The following BBS12 variants were observed in gnomAD, a reference collection of about 807,000 sequenced individuals.
BBS12 encodes the protein chaperonin-containing T-complex member BBS12.
BBS12 carries 5 observed loss-of-function variants against 5.6 expected under a neutral mutation model. That is an observed-to-expected ratio of 0.89 (90% confidence interval 0.46 to 1.86). The LOEUF is 1.86. BBS12 is among the 40% of genes most tolerant of loss of function. BBS12 has a pLI of 0.01. For synonymous variants in BBS12, 308 were observed against 306.8 expected (o/e 1.00, Z -0.04); for missense variants, 748 against 830.4 (o/e 0.90, Z 1.22).
chr4:122,727,537 C>A, the BBS12 span, among the ~76,000 whole-genome samples: 1 of 118,630 alleles, frequency 8.4e-6, no homozygotes, highest in Non-Finnish European at 1.7e-5. Flanking sequence ...GCCACCGCCC[C>A]TGGCCAATTT....
chr4:122,736,304 G>C (rs1181704776), intron 1 of BBS12, among the ~76,000 whole-genome samples: 2 of 152,156 alleles, frequency 1.3e-5, no homozygotes, highest in Admixed American at 6.5e-5. Flanking sequence ...TTCTGAGTTA[G>C]AGGTTTTTAA....
At chr4:122,705,762 A>G in the BBS12 span, among the ~76,000 whole-genome samples, 3 of 152,252 alleles carry the variant, frequency 2.0e-5, no homozygotes, top group East Asian at 1.9e-4. Flanking sequence ...GGGCATGTAC[A>G]GTTAATGTGA....
intron 1 of BBS12, among the ~76,000 whole-genome samples, chr4:122,740,609 C>T (rs1395198690): frequency 6.6e-6 from 1 of 152,150 alleles, no homozygotes; most frequent in Non-Finnish European, 1.5e-5. Flanking sequence ...AACACAGTGC[C>T]TCCTGGTACA....
intron 1 of BBS12, among the ~76,000 whole-genome samples, chr4:122,739,483 C>T (rs1800833209): frequency 6.6e-6 from 1 of 152,232 alleles, no homozygotes; most frequent in Non-Finnish European, 1.5e-5. Context: ...CACCTTTTCA[C>T]CCAAATCATG....
the BBS12 span, among the ~76,000 whole-genome samples, chr4:122,710,773 T>G: frequency 6.6e-6 from 1 of 152,148 alleles, no homozygotes; most frequent in Non-Finnish European, 1.5e-5. Context: ...CTTGACCTCC[T>G]AATGAAAAAT....
the BBS12 span, among the ~76,000 whole-genome samples, chr4:122,723,314 A>C: frequency 6.6e-6 from 1 of 152,224 alleles, no homozygotes; most frequent in Non-Finnish European, 1.5e-5. Flanking sequence ...AAGAATTAAA[A>C]ATGCTTTTCC....
intron 1 of BBS12, among the ~76,000 whole-genome samples, chr4:122,737,197 T>A (rs774100878): frequency 6.6e-6 from 1 of 152,182 alleles, no homozygotes; most frequent in Admixed American, 6.5e-5. Flanking sequence ...GAGACCCTGA[T>A]ACATGTACAA....
At chr4:122,741,749 C>A in intron 1 of BBS12, 134 bp from the exon 2 acceptor site, 1 of 704,208 alleles carries the variant, frequency 1.4e-6, no homozygotes, top group Non-Finnish European at 2.5e-6. Flanking sequence ...AATACTGTAT[C>A]ATTGCACTGA....
the BBS12 span, among the ~76,000 whole-genome samples, chr4:122,715,054 T>C: frequency 1.3e-5 from 2 of 151,872 alleles, no homozygotes; most frequent in Admixed American, 1.3e-4. Context: ...TGAAGGAGAA[T>C]GACAAATTAT....
At chr4:122,718,844 A>G in the BBS12 span, among the ~76,000 whole-genome samples, 2 of 152,024 alleles carry the variant, frequency 1.3e-5, no homozygotes, top group Non-Finnish European at 2.9e-5. Flanking sequence ...TTTGAGAGGG[A>G]GTCTCGCTCT....
the BBS12 span, among the ~76,000 whole-genome samples, chr4:122,723,509 A>C: frequency 6.6e-6 from 1 of 152,128 alleles, no homozygotes; most frequent in Non-Finnish European, 1.5e-5. Context: ...ATGAATTTTT[A>C]TCCATTCTGG....
the BBS12 span, among the ~76,000 whole-genome samples, chr4:122,703,645 G>A: frequency 6.6e-6 from 1 of 152,178 alleles, no homozygotes; most frequent in Non-Finnish European, 1.5e-5. Flanking sequence ...TGGTGCTTCT[G>A]TCTCTGTTGG....
Position 122,743,032 on chromosome 4 carries a change from A to T in BBS12, c.1140A>T (p.Thr380=). 1 of 1,614,272 alleles carries T rather than the reference A, an allele frequency of 6.2e-7. No individual in the cohort carries two copies. Among genetic ancestry groups the T allele is most frequent in the Non-Finnish European group, 8.5e-7 (1 of 1,180,042 alleles). Residue 380 remains threonine, a synonymous_variant, in exon 2 of 2, where the codon ACA becomes ACT. Transcript: ENST00000314218. ...LGFNKSANIK[T]VLDSMRLQED... ...TTAATAAGTCTGCAAATATTAAAAC[A>T]GTATTAGATAGCATGCGGCTTCAAG...
chr4:122,705,854 C>T, the BBS12 span, among the ~76,000 whole-genome samples: 5 of 152,330 alleles, frequency 3.3e-5, no homozygotes, highest in African/African-American at 9.6e-5. Context: ...AACACTCTTG[C>T]CCATAGAAAC....
At chr4:122,715,794 G>A in the BBS12 span, among the ~76,000 whole-genome samples, 3 of 151,930 alleles carry the variant, frequency 2.0e-5, no homozygotes, top group Non-Finnish European at 2.9e-5. Context: ...TTTTCCATCC[G>A]CTTAAAATTA....
chr4:122,710,643 G>A, the BBS12 span, among the ~76,000 whole-genome samples: 1 of 152,126 alleles, frequency 6.6e-6, no homozygotes, highest in East Asian at 1.9e-4. Flanking sequence ...AAGGGGAAAT[G>A]GATTCGTTAT....
chr4:122,703,908 G>A, the BBS12 span, among the ~76,000 whole-genome samples: 498 of 152,210 alleles, frequency 3.3e-3, 4 homozygotes, highest in African/African-American at 0.011. Context: ...GGAGAGTGGG[G>A]TGCAATGATA....
At chr4:122,717,893 T>C in the BBS12 span, among the ~76,000 whole-genome samples, 1 of 152,160 alleles carries the variant, frequency 6.6e-6, no homozygotes, top group African/African-American at 2.4e-5. Flanking sequence ...TAACTCCTAT[T>C]CCATGGCATA....
chr4:122,725,897 CAA>C, the BBS12 span, among the ~76,000 whole-genome samples: 50 of 52,514 alleles, frequency 9.5e-4, no homozygotes, highest in African/African-American at 2.7e-3. Context: ...GACTCTGTCT[CAA>C]AAAAAAAAAA....
Sources: allele counts gnomAD v4.1 joint callset (sites outside exome capture counted in the v4.1 genomes callset), GRCh38; gene constraint gnomAD v4.1.1; transcripts MANE v1.5; gene names NCBI Gene and HGNC (gene_info 2026-07-23, HGNC 2026-07-21).